The following EGFLAM variants were observed in gnomAD, a reference collection of about 807,000 sequenced individuals.
EGFLAM encodes pikachurin.
EGFLAM carries 79 observed loss-of-function variants against 113.1 expected under a neutral mutation model. The ratio of observed to expected loss-of-function variants is 0.70; its 90% CI spans 0.58 to 0.84. EGFLAM has a LOEUF of 0.84. EGFLAM is among the 40% of genes least tolerant of loss of function. The pLI is 0.00. For synonymous variants in EGFLAM, 504 were observed against 487.6 expected (o/e 1.03, Z -0.44); for missense variants, 1,265 against 1,291.6 (o/e 0.98, Z 0.32).
rs140911402 is a variant in EGFLAM at position 38,425,995 on chromosome 5, C to T, written c.1810+903C>T. ...GTGCACAGCTGTAATCCCAGCTACT[C>T]GGGAGGCTGAGGCAGGAGAATTGCT... On this transcript the variant is annotated intron_variant, in intron 13 of 21. Transcript: ENST00000322350. Among the ~76,000 whole-genome samples, 1,158 of 151,854 alleles carry T rather than the reference C, an allele frequency of 7.6e-3. 12 individuals are homozygous for T. Among genetic ancestry groups the T allele is most frequent in the African/African-American group, 0.027 (1,120 of 41,408 alleles).
intron 1 of EGFLAM, among the ~76,000 whole-genome samples, chr5:38,321,614 C>T (rs971726690): frequency 4.6e-5 from 7 of 152,188 alleles, no homozygotes; most frequent in African/African-American, 1.2e-4. Context: ...CCACTGTCTC[C>T]AGCGGCTCTT....
In EGFLAM at chr5:38,450,479, A is replaced by G. The variant is rs374269026; in HGVS notation, c.2544-836A>G. On this transcript the variant is annotated intron_variant, in intron 18 of 21. Transcript: ENST00000322350. The stretch of plus-strand genomic sequence containing the variant: ...GTGAGACAGACAGAGGGATGGCTCA[A>G]GTGACTAGAGAATGGACAAAGAAAC... 4.6e-5 allele frequency among the ~76,000 whole-genome samples: 7 copies of G among 152,366 alleles called. No individual in the cohort carries two copies. In the South Asian group the frequency reaches 1.2e-3, roughly 27 times the overall value.
chr5:38,394,711 C>CTTTTTTTTTTTTTTT (rs11451294), intron 6 of EGFLAM, among the ~76,000 whole-genome samples: 2 of 121,724 alleles, frequency 1.6e-5, no homozygotes, highest in African/African-American at 6.6e-5. Flanking sequence ...GCCGGGCCCA[C>CTTTTTTTTTTTTTTT]TTTTTTTTTT....
intron 1 of EGFLAM, among the ~76,000 whole-genome samples, chr5:38,266,781 CTAA>C (rs1757643993): frequency 6.6e-6 from 1 of 152,134 alleles, no homozygotes; most frequent in Non-Finnish European, 1.5e-5. Context: ...GCAGCTGTTC[CTAA>C]AACAGAATTA....
At chr5:38,319,584 C>T (rs574777033) in intron 1 of EGFLAM, among the ~76,000 whole-genome samples, 5 of 152,202 alleles carry the variant, frequency 3.3e-5, no homozygotes, top group Middle Eastern at 3.4e-3. Flanking sequence ...ATCTGGAACA[C>T]AGAGAGAGGA....
intron 1 of EGFLAM, among the ~76,000 whole-genome samples, chr5:38,306,894 G>A (rs911917703): frequency 2.0e-5 from 3 of 152,172 alleles, no homozygotes; most frequent in Admixed American, 6.5e-5. Flanking sequence ...GAAGCTCAGT[G>A]TAACTACTAT....
At chr5:38,356,102 C>G (rs1227666718) in intron 5 of EGFLAM, among the ~76,000 whole-genome samples, 5 of 152,148 alleles carry the variant, frequency 3.3e-5, no homozygotes, top group African/African-American at 4.8e-5. Context: ...CAACCAACTG[C>G]TAATATATAT....
At chr5:38,293,714 T>C (rs1459184478) in intron 1 of EGFLAM, among the ~76,000 whole-genome samples, 1 of 152,240 alleles carries the variant, frequency 6.6e-6, no homozygotes, top group Non-Finnish European at 1.5e-5. Flanking sequence ...ACATTACTCT[T>C]GAAAATCTTT....
intron 17 of EGFLAM, among the ~76,000 whole-genome samples, chr5:38,444,884 G>A (rs560636063): frequency 1.4e-4 from 21 of 152,218 alleles, no homozygotes; most frequent in Non-Finnish European, 2.5e-4. Flanking sequence ...GGCAGAGGTT[G>A]CAGTGAGCCG....
chr5:38,431,049 C>A, intron 14 of EGFLAM, 128 bp from the exon 15 acceptor site: 1 of 771,694 alleles, frequency 1.3e-6, no homozygotes, highest in South Asian at 1.7e-5. Context: ...TTTACTGATT[C>A]AGATGCTCAT....
At position 38,358,637 on chromosome 5, in the gene EGFLAM, A is replaced by C. The variant is rs80097343; in HGVS notation, c.545+6306A>C. Among the ~76,000 whole-genome samples the C allele has an allele frequency of 1.8e-3, 271 of 152,114 alleles. 7 individuals carry two copies. In the East Asian group the frequency reaches 0.031, roughly 17 times the overall value. On this transcript the variant is annotated intron_variant, in intron 5 of 21. Transcript: ENST00000322350. ...ACTTCTATTACCCCCAAAATAGAGG[A>C]CACCTCTAGTGTGAGCACTCTGAAG... is the stretch of plus-strand genomic sequence containing the variant.
chr5:38,418,831 C>T (rs950053797), intron 12 of EGFLAM, among the ~76,000 whole-genome samples: 3 of 152,158 alleles, frequency 2.0e-5, no homozygotes, highest in Non-Finnish European at 4.4e-5. Flanking sequence ...CAGAGCTAGG[C>T]TTATTTTTAA....
At chr5:38,403,910 C>T (rs771962133) in intron 6 of EGFLAM, 4 of 1,613,630 alleles carry the variant, frequency 2.5e-6, no homozygotes, top group Non-Finnish European at 3.4e-6. Flanking sequence ...CTGGCATCGA[C>T]AGGTTGAATT....
intron 17 of EGFLAM, among the ~76,000 whole-genome samples, chr5:38,442,770 A>T (rs1742587863): frequency 6.6e-6 from 1 of 152,138 alleles, no homozygotes; most frequent in Non-Finnish European, 1.5e-5. Flanking sequence ...GGGAACCAGG[A>T]GCATAGGAGA....
intron 6 of EGFLAM, among the ~76,000 whole-genome samples, chr5:38,385,275 C>CCT (rs1561060272): frequency 3.6e-5 from 2 of 56,046 alleles, no homozygotes; most frequent in Non-Finnish European, 7.3e-5. Context: ...CTGTTTCCCA[C>CCT]CCACCCCCCC....
At chr5:38,293,187 G>T (rs548539428) in intron 1 of EGFLAM, among the ~76,000 whole-genome samples, 16 of 152,108 alleles carry the variant, frequency 1.1e-4, no homozygotes, top group Admixed American at 3.3e-4. Flanking sequence ...TCTAATCTGG[G>T]CAGTATAGCA....
At chr5:38,304,901 G>A (rs148993942) in intron 1 of EGFLAM, among the ~76,000 whole-genome samples, 160 of 152,138 alleles carry the variant, frequency 1.1e-3, no homozygotes, top group African/African-American at 3.3e-3. Flanking sequence ...GTATATAAAA[G>A]TAAATGAATA....
intron 1 of EGFLAM, among the ~76,000 whole-genome samples, chr5:38,307,819 T>A (rs1044910018): frequency 2.6e-5 from 4 of 152,192 alleles, no homozygotes; most frequent in African/African-American, 9.6e-5. Flanking sequence ...ATCTACAAAT[T>A]CACTGGGTAG....
chr5:38,270,023 G>A (rs1308900083), intron 1 of EGFLAM, among the ~76,000 whole-genome samples: 2 of 152,198 alleles, frequency 1.3e-5, no homozygotes, highest in African/African-American at 2.4e-5. Flanking sequence ...CTGCAGCCAG[G>A]AGGGACCTAG....
Sources: gnomAD v4.1 joint callset for allele counts (sites outside exome capture counted in the v4.1 genomes callset) on GRCh38, gnomAD v4.1.1 for gene constraint, MANE v1.5 for transcripts, NCBI Gene and HGNC (gene_info 2026-07-23, HGNC 2026-07-21) for gene names.